The following ATP5MC2 variants were observed in gnomAD, a reference collection of about 807,000 sequenced individuals.
ATP5MC2 encodes ATP synthase membrane subunit c locus 2, also known as ATP synthase F(0) complex subunit C2, mitochondrial.
ATP5MC2 carries 11 observed loss-of-function variants against 13.5 expected under a neutral mutation model. That is an observed-to-expected ratio of 0.81 (90% CI 0.51 to 1.35). ATP5MC2 has a LOEUF of 1.35. Ranked by LOEUF, ATP5MC2 falls within the 40% of genes most tolerant of loss-of-function variation. ATP5MC2 has a pLI of 0.00. For missense variants in ATP5MC2, 132 were observed against 175.0 expected (o/e 0.75, Z 1.39); for synonymous variants, 64 against 69.7 (o/e 0.92, Z 0.41).
chr12:53,669,254 C>G lies in ATP5MC2; in HGVS notation c.205G>C (p.Asp69His). 2.5e-6 allele frequency: 4 copies of G among 1,614,006 alleles called. No individual in the cohort carries two copies. The highest frequency in any genetic ancestry group is 3.4e-6 in the Non-Finnish European group (4 of 1,179,958). The change falls in exon 4 of 5, where the codon GAC becomes CAC. Residue 69 changes from aspartate to histidine, a missense_variant. By Grantham distance (81) the Asp-to-His change is moderately conservative. Transcript: ENST00000394349. Reference sequence around the variant, plus strand: ...GCTCCAATGAACTTGGCTGCTGTGTCGATGTCCCTTGAAATGGCGCTGGTT... The same window carrying G: ...GCTCCAATGAACTTGGCTGCTGTGTGGATGTCCCTTGAAATGGCGCTGGTT... ...FQTSAISRDIDTAAKFIGAGA... is the reference protein window; with the variant it reads ...FQTSAISRDIHTAAKFIGAGA...
At chr12:53,676,157 TAG>T (rs746713607), upstream of ATP5MC2, 8 of 1,614,214 alleles carry the variant, frequency 5.0e-6, no homozygotes, top group South Asian at 3.3e-5. Flanking sequence ...CAGCCACGGA[TAG>T]AGTGATTGCA....
intron 1 of ATP5MC2, among the ~76,000 whole-genome samples, 199 bp downstream of exon 1, chr12:53,675,854 G>A (rs1254847842): frequency 6.6e-6 from 1 of 152,256 alleles, no homozygotes; most frequent in Non-Finnish European, 1.5e-5. Flanking sequence ...AGACATCCAA[G>A]ATGGCGCCAG....
chr12:53,680,700 T>A (rs576793890), upstream of ATP5MC2, among the ~76,000 whole-genome samples: 149 of 65,882 alleles, frequency 2.3e-3, 1 homozygote, highest in Non-Finnish European at 2.8e-3. Flanking sequence ...AAAAAAAAAT[T>A]ATGAAATATT....
upstream of ATP5MC2, among the ~76,000 whole-genome samples, chr12:53,681,341 C>A (rs867065068): frequency 6.6e-6 from 1 of 151,320 alleles, no homozygotes; most frequent in South Asian, 2.1e-4. Flanking sequence ...GCCTGGCCAA[C>A]GTGGTGAAAC....
At chr12:53,677,089 AAAAT>A (rs1031522423), upstream of ATP5MC2, 8 of 152,294 alleles carry the variant, frequency 5.3e-5, no homozygotes, top group Admixed American at 3.9e-4. Context: ...TAAAAAATAA[AAAAT>A]AAAAAGAAAG....
chr12:53,667,996 A>ATATAC (rs1944983238), intron 4 of ATP5MC2, among the ~76,000 whole-genome samples: 1 of 46,692 alleles, frequency 2.1e-5, no homozygotes, highest in East Asian at 6.9e-4. Flanking sequence ...TATATATATA[A>ATATAC]ATTTTTTTTT....
chr12:53,676,320 ACGTG>A, upstream of ATP5MC2: 1 of 1,400,928 alleles, frequency 7.1e-7, no homozygotes, highest in East Asian at 2.4e-5. Context: ...CCGATCCGTA[ACGTG>A]GACTGCGGTT....
At chr12:53,670,988 TTAATC>T (rs1017219862) in intron 2 of ATP5MC2, among the ~76,000 whole-genome samples, 1 of 61,144 alleles carries the variant, frequency 1.6e-5, no homozygotes, top group Non-Finnish European at 2.6e-5. Flanking sequence ...AAAAAAAATC[TTAATC>T]TAAAGTTGGG....
Position 53,672,609 on chromosome 12 carries a change from G to T in ATP5MC2, c.6C>A (p.Phe2Leu). 1 of 1,585,078 alleles carries T rather than the reference G, an allele frequency of 6.3e-7. No homozygotes were observed. M[F>L]ACSKFVSTPS... ...GAGTGGAGACAAACTTGGAGCAGGC[G>T]AACATTTTCAGGGGGTGAGGAGCTG... Residue 2 changes from phenylalanine (F) to leucine (L), a missense_variant, in exon 2 of 5, where the codon TTC becomes TTA. Phe to Leu is a conservative substitution (Grantham distance 22). Transcript: ENST00000394349.
intron 4 of ATP5MC2, 36 bp downstream of exon 4, chr12:53,669,112 T>C (rs1945017021): frequency 8.9e-6 from 14 of 1,569,876 alleles, no homozygotes; most frequent in Non-Finnish European, 1.2e-5. Context: ...TTGGAAAGCA[T>C]ATCAGATAAC....
intron 2 of ATP5MC2, 40 bp downstream of exon 2, chr12:53,672,536 G>A (rs767809067): frequency 1.3e-6 from 2 of 1,521,596 alleles, no homozygotes; most frequent in Non-Finnish European, 1.8e-6. Context: ...GAGACAAGAT[G>A]TCTCTCCTTT....
chr12:53,679,677 A>G (rs560954417), upstream of ATP5MC2, among the ~76,000 whole-genome samples: 65 of 152,288 alleles, frequency 4.3e-4, no homozygotes, highest in Non-Finnish European at 5.0e-4. Context: ...TACTTTATAC[A>G]TATTGAGCTT....
chr12:53,667,985 A>ATATG (rs1944979613), intron 4 of ATP5MC2, among the ~76,000 whole-genome samples: 1 of 56,388 alleles, frequency 1.8e-5, no homozygotes. Context: ...ATATATATAT[A>ATATG]TATATATATA....
upstream of ATP5MC2, among the ~76,000 whole-genome samples, chr12:53,681,389 G>GTGGCA: frequency 6.6e-6 from 1 of 151,202 alleles, no homozygotes; most frequent in East Asian, 2.0e-4. Flanking sequence ...AGCTGGGCAT[G>GTGGCA]GTGGTGGGCA....
At chr12:53,676,486 T>G (rs1945282010), upstream of ATP5MC2, 1 of 323,644 alleles carries the variant, frequency 3.1e-6, no homozygotes, top group South Asian at 4.5e-5. Flanking sequence ...AGGAGGAAGA[T>G]CTTGGGAGTC....
chr12:53,678,376 T>C (rs1945320037), upstream of ATP5MC2, among the ~76,000 whole-genome samples: 1 of 112,556 alleles, frequency 8.9e-6, no homozygotes, highest in Admixed American at 1.1e-4. Context: ...ATCACCACCA[T>C]CATCACCATC....
Position 53,665,376 on chromosome 12 carries a change from G to A in ATP5MC2, c.364C>T (p.Leu122Phe), listed in dbSNP as rs1944885334. 6.2e-7 allele frequency: 1 copy of A among 1,614,132 alleles called. No homozygotes were observed. The highest frequency in any genetic ancestry group is 8.5e-7 in the Non-Finnish European group (1 of 1,180,034). ...LFSYAILGFA[L>F]SEAMGLFCLM... The stretch of plus-strand genomic sequence containing the variant: ...CAAAAGAGCCCCATGGCCTCCGAGA[G>A]GGCAAAGCCCAGAATGGCGTAGGAG... The change falls in exon 5 of 5, where the codon CTC becomes TTC. Residue 122 changes from leucine to phenylalanine, a missense_variant. Leu to Phe is a conservative substitution (Grantham distance 22). Transcript: ENST00000394349.
At chr12:53,679,465 A>G (rs1009609265), upstream of ATP5MC2, among the ~76,000 whole-genome samples, 1 of 152,234 alleles carries the variant, frequency 6.6e-6, no homozygotes, top group South Asian at 2.1e-4. Flanking sequence ...ACTGGAGTCT[A>G]GTCCTAGCCC....
chr12:53,678,340 T>TCACCAC (rs374475099), upstream of ATP5MC2, among the ~76,000 whole-genome samples: 32 of 151,440 alleles, frequency 2.1e-4, no homozygotes, highest in Middle Eastern at 3.4e-3. Flanking sequence ...ATCATCATCG[T>TCACCAC]CACCACCACC....
Sources: gnomAD v4.1 joint callset for allele counts (sites outside exome capture counted in the v4.1 genomes callset) on GRCh38, gnomAD v4.1.1 for gene constraint, MANE v1.5 for transcripts, NCBI Gene and HGNC (gene_info 2026-07-23, HGNC 2026-07-21) for gene names.